DRC8: variants seen among roughly 807,000 people sequenced by gnomAD.
DRC8 encodes dynein regulatory complex protein 8.
At chr1:244,994,068 C>A in the DRC8 span, among the ~76,000 whole-genome samples, 3 of 152,152 alleles carry the variant, frequency 2.0e-5, no homozygotes, top group African/African-American at 7.2e-5. Context: ...AGGACTCAGT[C>A]TTACTGTCCA....
the DRC8 span, chr1:244,970,216 G>A: frequency 2.6e-6 from 2 of 758,404 alleles, no homozygotes; most frequent in African/African-American, 1.8e-5. Context: ...TCTTCCCCCA[G>A]CGCGAGGGTC....
At chr1:245,014,799 C>A in the DRC8 span, among the ~76,000 whole-genome samples, 1 of 152,102 alleles carries the variant, frequency 6.6e-6, no homozygotes, top group South Asian at 2.1e-4. Context: ...TTCTTTTTTT[C>A]TCTACGGTTG....
At chr1:245,029,106 C>T in the DRC8 span, among the ~76,000 whole-genome samples, 1 of 152,102 alleles carries the variant, frequency 6.6e-6, no homozygotes, top group Non-Finnish European at 1.5e-5. Flanking sequence ...GGCATGGGGT[C>T]GGTCCTAGAT....
At chr1:245,029,237 TAAAG>T in the DRC8 span, among the ~76,000 whole-genome samples, 3 of 152,242 alleles carry the variant, frequency 2.0e-5, no homozygotes, top group African/African-American at 7.2e-5. Flanking sequence ...GCTGTTTTAA[TAAAG>T]AAGGCCATTT....
the DRC8 span, among the ~76,000 whole-genome samples, chr1:245,053,647 C>CT: frequency 6.6e-6 from 1 of 152,176 alleles, no homozygotes; most frequent in Non-Finnish European, 1.5e-5. Context: ...GAATCTTTGC[C>CT]TTTTTTTCTT....
At chr1:244,987,643 T>TTTC in the DRC8 span, among the ~76,000 whole-genome samples, 1 of 151,196 alleles carries the variant, frequency 6.6e-6, no homozygotes, top group Non-Finnish European at 1.5e-5. Context: ...GATTCTTGAT[T>TTTC]TTTTTTTTTT....
the DRC8 span, among the ~76,000 whole-genome samples, chr1:245,009,209 T>A: frequency 3.0e-3 from 447 of 151,072 alleles, 2 homozygotes; most frequent in African/African-American, 9.7e-3. Context: ...CTAATTTGTA[T>A]TTTTAGTAGA....
At chr1:245,008,406 G>A in the DRC8 span, among the ~76,000 whole-genome samples, 9 of 152,124 alleles carry the variant, frequency 5.9e-5, no homozygotes, top group Non-Finnish European at 1.3e-4. Context: ...AGTTCCAAAT[G>A]TATTTAAAAT....
At chr1:244,988,977 G>T in the DRC8 span, among the ~76,000 whole-genome samples, 1 of 152,194 alleles carries the variant, frequency 6.6e-6, no homozygotes, top group African/African-American at 2.4e-5. Flanking sequence ...TTTAAACCAG[G>T]TGGTCTGGTT....
chr1:244,995,286 G>A, the DRC8 span, among the ~76,000 whole-genome samples: 2 of 151,942 alleles, frequency 1.3e-5, no homozygotes, highest in East Asian at 1.9e-4. Context: ...GCTTGAATCC[G>A]GGAGGTGGAG....
At chr1:245,065,001 C>A in the DRC8 span, among the ~76,000 whole-genome samples, 3 of 134,678 alleles carry the variant, frequency 2.2e-5, no homozygotes, top group Non-Finnish European at 5.0e-5. Flanking sequence ...ATTTTGTTTT[C>A]TTTTTTCTGT....
At chr1:245,084,059 T>TCCC in the DRC8 span, among the ~76,000 whole-genome samples, 78 of 31,092 alleles carry the variant, frequency 2.5e-3, no homozygotes, top group Non-Finnish European at 2.8e-3. Flanking sequence ...ATATAAAAAT[T>TCCC]CCGCCCCCCC....
chr1:244,999,058 C>CAAAAAAAAAAAAAAAA, the DRC8 span, among the ~76,000 whole-genome samples: 1 of 83,684 alleles, frequency 1.2e-5, no homozygotes. Flanking sequence ...GATCCTGGGT[C>CAAAAAAAAAAAAAAAA]AAAAAAAAAA....
the DRC8 span, among the ~76,000 whole-genome samples, chr1:245,051,476 T>C: frequency 6.6e-6 from 1 of 151,868 alleles, no homozygotes; most frequent in African/African-American, 2.4e-5. Context: ...AAGGAGGTTA[T>C]TGGAGAAAGG....
At chr1:245,105,682 C>T in the DRC8 span, among the ~76,000 whole-genome samples, 1 of 151,124 alleles carries the variant, frequency 6.6e-6, no homozygotes, top group Non-Finnish European at 1.5e-5. Context: ...CTGCCATCAA[C>T]TATTCGGCTT....
chr1:245,069,134 G>A, the DRC8 span, among the ~76,000 whole-genome samples: 2 of 152,128 alleles, frequency 1.3e-5, no homozygotes, highest in Non-Finnish European at 2.9e-5. Flanking sequence ...ACCGACCCCC[G>A]TGCAGTTGAA....
the DRC8 span, chr1:244,969,887 G>A: frequency 2.2e-6 from 1 of 449,522 alleles, no homozygotes; most frequent in Non-Finnish European, 3.9e-6. Flanking sequence ...GGCTGCGAAT[G>A]GGAAGCGGGA....
chr1:244,977,199 T>C, the DRC8 span, among the ~76,000 whole-genome samples: 4 of 152,208 alleles, frequency 2.6e-5, no homozygotes, highest in Non-Finnish European at 5.9e-5. Context: ...AAGGAAGTTC[T>C]GGAGATTGGT....
At chr1:245,069,108 C>T in the DRC8 span, among the ~76,000 whole-genome samples, 3 of 152,090 alleles carry the variant, frequency 2.0e-5, no homozygotes, top group Admixed American at 6.5e-5. Flanking sequence ...CCTTAAACAA[C>T]ATGGGGGTTC....
Sources: allele counts gnomAD v4.1 joint callset (sites outside exome capture counted in the v4.1 genomes callset), GRCh38; gene constraint gnomAD v4.1.1; transcripts MANE v1.5; gene names NCBI Gene and HGNC (gene_info 2026-07-23, HGNC 2026-07-21).